The following GABRA1 variants were observed in gnomAD, a reference collection of about 807,000 sequenced individuals.
GABRA1 encodes gamma-aminobutyric acid receptor subunit alpha-1.
In GABRA1, 9 loss-of-function variants were observed where a neutral mutation model predicts 48.9. The observed-to-expected ratio is 0.18, with a 90% CI of 0.11 to 0.32. GABRA1 has a LOEUF of 0.32. Ranked by LOEUF, GABRA1 falls within the 10% of genes least tolerant of loss-of-function variation. GABRA1 has a pLI of 1.00. For synonymous variants in GABRA1, 210 were observed against 198.7 expected, an observed-to-expected ratio of 1.06 and a Z score of -0.48; for missense variants, 285 against 553.8, an observed-to-expected ratio of 0.51 and a Z score of 4.87.
intron 8 of GABRA1, among the ~76,000 whole-genome samples, chr5:161,892,174 C>T (rs1051344369): frequency 1.3e-5 from 2 of 152,158 alleles, no homozygotes; most frequent in Non-Finnish European, 2.9e-5. Flanking sequence ...ATTTGGAAAT[C>T]ACCACTACGT....
intron 3 of GABRA1, among the ~76,000 whole-genome samples, chr5:161,857,249 A>G (rs1328116416): frequency 2.0e-5 from 3 of 151,412 alleles, no homozygotes; most frequent in Non-Finnish European, 4.4e-5. Context: ...AAGTAACAAC[A>G]TTATGCAAAA....
intron 8 of GABRA1, among the ~76,000 whole-genome samples, chr5:161,892,432 C>T (rs898461232): frequency 6.6e-6 from 1 of 152,170 alleles, no homozygotes; most frequent in African/African-American, 2.4e-5. Flanking sequence ...TTCTTCTGAA[C>T]TTGGCAATAT....
chr5:161,865,069 G>T (rs913970323), intron 3 of GABRA1, among the ~76,000 whole-genome samples: 6 of 152,002 alleles, frequency 3.9e-5, no homozygotes, highest in African/African-American at 1.2e-4. Context: ...ATTGGTTGAT[G>T]TATGTGCCAT....
intron 8 of GABRA1, 86 bp from the exon 9 acceptor site, chr5:161,895,580 T>A (rs1370399679): frequency 2.3e-5 from 28 of 1,214,958 alleles, no homozygotes; most frequent in Non-Finnish European, 3.3e-5. Flanking sequence ...TACTGTTGAT[T>A]TCCTTTTGTT....
chr5:161,878,065 C>A (rs6878494), intron 6 of GABRA1, among the ~76,000 whole-genome samples: 17 of 151,940 alleles, frequency 1.1e-4, no homozygotes, highest in African/African-American at 4.1e-4. Context: ...TGTAACGTCA[C>A]GAGAGAAGGA....
intron 1 of GABRA1, chr5:161,848,942 A>T: frequency 2.2e-6 from 1 of 454,774 alleles, no homozygotes; most frequent in Non-Finnish European, 4.4e-6. Context: ...TTCCCTTTCC[A>T]GTGGACGCTG....
chr5:161,858,203 T>C (rs1271472788), intron 3 of GABRA1, among the ~76,000 whole-genome samples: 1 of 151,430 alleles, frequency 6.6e-6, no homozygotes, highest in Non-Finnish European at 1.5e-5. Context: ...AGGAAATTCA[T>C]TTTCCCAAGT....
Position 161,865,805 on chromosome 5 carries a change from TC to T in GABRA1, c.255+18del. On this transcript the variant is annotated intron_variant, in intron 4 of 9. Transcript: ENST00000393943. The stretch of plus-strand genomic sequence containing the variant: ...CATGATATGGTAAGTGGACACTTTA[TC>T]TTTGCTTTTCTTGAAGAATTTTTAA... 1 of 1,601,098 alleles carries T rather than the reference TC, an allele frequency of 6.2e-7. No homozygotes were observed. The highest frequency in any genetic ancestry group is 8.6e-7 in the Non-Finnish European group (1 of 1,168,504).
chr5:161,863,764 A>G (rs1757948450), intron 3 of GABRA1, among the ~76,000 whole-genome samples: 1 of 150,976 alleles, frequency 6.6e-6, no homozygotes, highest in Non-Finnish European at 1.5e-5. Context: ...TTTTTTTTCT[A>G]ACAACATAAT....
intron 8 of GABRA1, among the ~76,000 whole-genome samples, chr5:161,892,644 G>C (rs1218116017): frequency 1.3e-5 from 2 of 151,782 alleles, no homozygotes; most frequent in African/African-American, 4.8e-5. Context: ...ATCTGTATGA[G>C]TATGCCTTTT....
At chr5:161,889,360 C>T (rs1014659514) in intron 7 of GABRA1, among the ~76,000 whole-genome samples, 1 of 151,924 alleles carries the variant, frequency 6.6e-6, no homozygotes, top group Non-Finnish European at 1.5e-5. Context: ...ATTTTGTAGA[C>T]AAGAATACTA....
intron 1 of GABRA1, chr5:161,850,302 A>C (rs1757386843): frequency 7.8e-6 from 2 of 254,878 alleles, no homozygotes; most frequent in Non-Finnish European, 1.5e-5. Context: ...AGGTACCTGC[A>C]GAATTCAAAG....
At chr5:161,847,430 T>G (rs1757256874), upstream of GABRA1, 1 of 152,206 alleles carries the variant, frequency 6.6e-6, no homozygotes, top group Non-Finnish European at 1.5e-5. Flanking sequence ...GCCTGCGTTT[T>G]CTCCATGATA....
At chr5:161,868,734 C>T (rs1753984363) in intron 4 of GABRA1, among the ~76,000 whole-genome samples, 1 of 152,074 alleles carries the variant, frequency 6.6e-6, no homozygotes, top group Non-Finnish European at 1.5e-5. Context: ...CGATCAAAAG[C>T]CTTTCTCTTT....
chr5:161,890,471 A>G (rs928666931), intron 7 of GABRA1, among the ~76,000 whole-genome samples: 2 of 152,086 alleles, frequency 1.3e-5, no homozygotes, highest in Non-Finnish European at 2.9e-5. Context: ...TGTACACGCC[A>G]AAGCTTCTTC....
At chr5:161,857,797 T>G (rs911836361) in intron 3 of GABRA1, among the ~76,000 whole-genome samples, 1 of 151,534 alleles carries the variant, frequency 6.6e-6, no homozygotes. Flanking sequence ...TATCAGTAAT[T>G]ACTGGATTCA....
rs142321706 is a variant in GABRA1, at chr5:161,878,153, G to A, written c.559+2511G>A. On this transcript the variant is annotated intron_variant, in intron 6 of 9. Coordinates refer to ENST00000393943, the MANE Select transcript of GABRA1 (RefSeq NM_001127644.2). ...AGTAAATATTTATTGAATGGATAAAGGTTACAAGACTCAGGCTTTAAATGC... is the reference window on the plus strand; with the variant it reads ...AGTAAATATTTATTGAATGGATAAAAGTTACAAGACTCAGGCTTTAAATGC... Among the ~76,000 whole-genome samples the A allele has an allele frequency of 4.3e-3, 662 of 152,252 alleles. 4 individuals are homozygous for A. The highest frequency in any genetic ancestry group is 0.015 in the African/African-American group (609 of 41,544).
Position 161,899,606 on chromosome 5 carries a change from A to G in GABRA1, c.*2184A>G, listed in dbSNP as rs921625142. 8 of 152,288 alleles carry G rather than the reference A, an allele frequency of 5.3e-5. No homozygotes were observed. Among genetic ancestry groups the G allele is most frequent in the African/African-American group, 1.9e-4 (8 of 41,574 alleles). The allele number at this position is 152,288 out of a possible 1,614,324, so 9.4% of individuals were successfully genotyped here. A position where few individuals can be genotyped will look rare whatever the true frequency, so the allele number is the denominator to read the frequency against. ...TTTCTCAGTTTGTTAGTATATGTGG[A>G]TAGTATTCTACTGTATAAATGATTG... On this transcript the variant is annotated 3_prime_UTR_variant, in exon 10 of 10. Coordinates refer to ENST00000393943, the MANE Select transcript of GABRA1 (RefSeq NM_001127644.2).
intron 2 of GABRA1, 25 bp downstream of exon 2, chr5:161,850,909 G>A (rs367872324): frequency 1.2e-4 from 193 of 1,589,222 alleles, no homozygotes; most frequent in Non-Finnish European, 1.6e-4. Context: ...TTAAAAATCT[G>A]CATGAAAATT....
Sources: gnomAD v4.1 joint callset for allele counts (sites outside exome capture counted in the v4.1 genomes callset) on GRCh38, gnomAD v4.1.1 for gene constraint, MANE v1.5 for transcripts, NCBI Gene and HGNC (gene_info 2026-07-23, HGNC 2026-07-21) for gene names.